NUMA1: variants seen among roughly 807,000 people sequenced by gnomAD.
NUMA1 encodes the protein nuclear mitotic apparatus protein 1, also known as SP-H antigen.
NUMA1 carries 62 observed loss-of-function variants against 237.1 expected under a neutral mutation model. The ratio of observed to expected loss-of-function variants is 0.26; its 90% confidence interval spans 0.21 to 0.32. The LOEUF is 0.32. NUMA1 is among the 10% of genes least tolerant of loss of function. The pLI, the probability that NUMA1 is intolerant of heterozygous loss-of-function variation, is 1.00. For synonymous variants in NUMA1, 1,028 were observed against 1,066.1 expected (o/e 0.96, Z 0.70); for missense variants, 2,533 against 2,666.5 (o/e 0.95, Z 1.10).
intron 2 of NUMA1, among the ~76,000 whole-genome samples, chr11:72,056,392 G>A (rs1293100401): frequency 6.6e-6 from 1 of 150,376 alleles, no homozygotes; most frequent in Non-Finnish European, 1.5e-5. Flanking sequence ...TGTGATCTTG[G>A]CTCATTGCAA....
chr11:72,004,745 T>A lies in NUMA1; in HGVS notation c.5901A>T (p.Arg1967=). ...KTGDPQETLR[R]ASMQPIQIAE... ...CTATCTGGATTGGCTGCATGCTGGC[T>A]CGGCGCAGGGTCTCTTGGGGGTCTC... The change falls in exon 24 of 27, where the codon CGA becomes CGT. Residue 1967 remains arginine, a synonymous_variant. Coordinates refer to ENST00000393695, the MANE Select transcript of NUMA1 (RefSeq NM_006185.4). The A allele has an allele frequency of 1.2e-6, 2 of 1,611,936 alleles. No individual in the cohort carries two copies. The highest frequency in any genetic ancestry group is 1.7e-6 in the Non-Finnish European group (2 of 1,179,182).
intron 2 of NUMA1, chr11:72,047,972 A>G (rs1448511189): frequency 6.6e-6 from 1 of 152,210 alleles, no homozygotes; most frequent in East Asian, 1.9e-4. Context: ...ATTTTAGTAT[A>G]CATGCTGCCG....
intron 1 of NUMA1, among the ~76,000 whole-genome samples, chr11:72,072,010 G>A (rs541022): frequency 0.83 from 126,468 of 152,044 alleles, 54,033 homozygotes; most frequent in Non-Finnish European, 0.94. Context: ...TTGGAGGTCA[G>A]CAATCAGACA....
At chr11:72,061,816 G>C (rs1942960356) in intron 2 of NUMA1, among the ~76,000 whole-genome samples, 1 of 151,864 alleles carries the variant, frequency 6.6e-6, no homozygotes, top group Non-Finnish European at 1.5e-5. Flanking sequence ...GGTTCCTACT[G>C]TCCTTCAATG....
At position 72,013,856 on chromosome 11, in the gene NUMA1, C is replaced by T. The variant is rs762177019; in HGVS notation, c.3647G>A (p.Gly1216Asp). Residue 1216 changes from glycine to aspartate, a missense_variant, in exon 15 of 27, where the codon GGC (glycine) becomes GAC (aspartate). By Grantham distance (94) the Gly-to-Asp change is moderately conservative. Coordinates refer to ENST00000393695, the MANE Select transcript of NUMA1 (RefSeq NM_006185.4). This position sits in a 1 kb window ranked among gnomAD's most constrained non-coding sequence, Gnocchi z 6.8. ...ATTTTTCCTCTCAGCCTCTTGCCGG[C>T]CCCGGGCCACCTGGGCCTTCCACTC... ...EDEWKAQVAR[G>D]RQEAERKNSL... The T allele has an allele frequency of 6.2e-7, 1 of 1,613,278 alleles. No individual in the cohort carries two copies. The highest frequency in any genetic ancestry group is 1.3e-5 in the African/African-American group (1 of 74,940).
rs147210888 is a variant in NUMA1, at chr11:72,007,267, G to A, written c.5385C>T (p.Asp1795=). The change falls in exon 21 of 27, where the codon GAC becomes GAT. Residue 1795 remains aspartate, a synonymous_variant. Coordinates refer to ENST00000393695, the MANE Select transcript of NUMA1 (RefSeq NM_006185.4). ...PLESSLDSLG[D]VFLDSGRKTR... Reference sequence around the variant, plus strand: ...TCTTACGACCCGAGTCCAGGAAGACGTCTCCCAGGGAGTCCAGGCTGCTCT... The same window carrying A: ...TCTTACGACCCGAGTCCAGGAAGACATCTCCCAGGGAGTCCAGGCTGCTCT... 1.0e-4 allele frequency: 168 copies of A among 1,612,852 alleles called. No individual in the cohort carries two copies. Among genetic ancestry groups the A allele is most frequent in the African/African-American group, 7.9e-4 (59 of 74,892 alleles).
Position 72,009,133 on chromosome 11 carries a change from A to T in NUMA1, c.4892T>A (p.Leu1631Gln). The T allele has an allele frequency of 6.7e-7, 1 of 1,488,450 alleles. No homozygotes were observed. Among genetic ancestry groups the T allele is most frequent in the Non-Finnish European group, 9.0e-7 (1 of 1,108,794 alleles). The allele number at this position is 1,488,450 out of a possible 1,614,324, so 92.2% of individuals were successfully genotyped here. A position where few individuals can be genotyped will look rare whatever the true frequency, so the allele number is the denominator to read the frequency against. Residue 1631 changes from leucine (L) to glutamine (Q), a missense_variant, in exon 19 of 27, where the codon CTG (leucine) becomes CAG (glutamine). Leu to Gln is a moderately radical substitution (Grantham distance 113). Coordinates refer to ENST00000393695, the MANE Select transcript of NUMA1 (RefSeq NM_006185.4). ...YDAKKQQNQE[L>Q]QEQLRSLEQL... ...CTCCAGGCTCCGCAGCTGCTCCTGC[A>T]GCTCTTGGTTCTGCTGCTTCTTGGC... is the stretch of plus-strand genomic sequence containing the variant.
At chr11:72,068,202 G>A (rs1943284955) in intron 2 of NUMA1, 1 of 152,212 alleles carries the variant, frequency 6.6e-6, no homozygotes, top group Admixed American at 6.5e-5. Context: ...TCTGGAGATG[G>A]GACTGCAATG....
At chr11:72,057,169 G>A (rs77682493) in intron 2 of NUMA1, among the ~76,000 whole-genome samples, 1 of 151,830 alleles carries the variant, frequency 6.6e-6, no homozygotes, top group African/African-American at 2.4e-5. Flanking sequence ...GATTTGTGAA[G>A]CACATCTCCT....
intron 1 of NUMA1, among the ~76,000 whole-genome samples, chr11:72,071,686 T>C (rs555628936): frequency 6.6e-6 from 1 of 152,330 alleles, no homozygotes; most frequent in Non-Finnish European, 1.5e-5. Flanking sequence ...TACCTTTTTC[T>C]TAGGAAATAC....
At chr11:72,004,399 G>C (rs201273416) in intron 24 of NUMA1, 58 bp from the exon 25 acceptor site, 386 of 1,495,948 alleles carry the variant, frequency 2.6e-4, no homozygotes, top group Non-Finnish European at 3.4e-4. Flanking sequence ...TCTGAAGCCA[G>C]GTGTCTTGTC....
At chr11:72,045,207 T>C (rs1941927557) in intron 2 of NUMA1, among the ~76,000 whole-genome samples, 1 of 151,770 alleles carries the variant, frequency 6.6e-6, no homozygotes, top group Non-Finnish European at 1.5e-5. Context: ...CAAATTCAAC[T>C]TTCTGGCCAC....
At chr11:72,076,895 A>G (rs1168205158) in intron 1 of NUMA1, 4 of 152,202 alleles carry the variant, frequency 2.6e-5, no homozygotes, top group African/African-American at 9.6e-5. Flanking sequence ...CTTTCTTGAA[A>G]ATTATTACAG....
At chr11:72,009,494 CT>C in intron 17 of NUMA1, 107 bp from the exon 18 acceptor site, 1 of 1,421,124 alleles carries the variant, frequency 7.0e-7, no homozygotes, top group Non-Finnish European at 9.3e-7. Flanking sequence ...CCTGCACTTT[CT>C]TAGGAAGCGG....
In NUMA1 at chr11:72,047,246, G is replaced by A. The variant is rs555118662; in HGVS notation, c.-32-11271C>T. On this transcript the variant is annotated intron_variant, in intron 2 of 26. Transcript: ENST00000393695. ...GAACTTTGGGAGGCCAAGGTGGGAG[G>A]ATAATTTGAGCTCAGGAGTTCAAAT... Among the ~76,000 whole-genome samples, 18 of 152,280 alleles carry A rather than the reference G, an allele frequency of 1.2e-4. No homozygotes were observed. In the South Asian group the frequency reaches 3.5e-3, roughly 30 times the overall value.
chr11:72,022,302 T>C lies in NUMA1; in HGVS notation c.372+37A>G, dbSNP rs1359085605. On this transcript the variant is annotated intron_variant, in intron 7 of 26. Transcript: ENST00000393695. ...AAGTCAGGTGAGGTGAAGCATGGGC[T>C]AGGCCTGCTAGGTGGCATGGAGGCA... is the stretch of plus-strand genomic sequence containing the variant. The C allele has an allele frequency of 2.1e-6, 3 of 1,425,846 alleles. No homozygotes were observed. The African/African-American group carries it at 4.2e-5, about 20-fold the overall frequency. The allele number at this position is 1,425,846 out of a possible 1,614,324, so 88.3% of individuals were successfully genotyped here.
At chr11:72,024,621 CT>C (rs1939322473) in intron 4 of NUMA1, 1 of 466,824 alleles carries the variant, frequency 2.1e-6, no homozygotes. Context: ...CATAAAAAAG[CT>C]CTGTGGAAAG....
chr11:72,041,809 T>G (rs1324255837), intron 2 of NUMA1: 1 of 152,132 alleles, frequency 6.6e-6, no homozygotes, highest in African/African-American at 2.4e-5. Flanking sequence ...CGAGGGAATC[T>G]CTCCAGCCCA....
At position 72,018,273 on chromosome 11, in the gene NUMA1, C is replaced by T; in HGVS notation, c.888G>A (p.Leu296=). The T allele has an allele frequency of 6.2e-7, 1 of 1,614,206 alleles. No homozygotes were observed. The highest frequency in any genetic ancestry group is 8.5e-7 in the Non-Finnish European group (1 of 1,180,034). ...ESLTMRLHET[L]KQCQDLKTEK... is the part of the protein sequence containing the mutation. ...CTGTCTTCAGGTCCTGGCACTGCTT[C>T]AGGGTTTCATGCAGCCGCATGGTAA... is the stretch of plus-strand genomic sequence containing the variant. Residue 296 remains leucine, a synonymous_variant, in exon 12 of 27, where the codon CTG becomes CTA. Coordinates refer to ENST00000393695, the MANE Select transcript of NUMA1 (RefSeq NM_006185.4).
Sources: gnomAD v4.1 joint callset for allele counts (sites outside exome capture counted in the v4.1 genomes callset) on GRCh38, gnomAD v4.1.1 for gene constraint, Gnocchi (gnomAD v3.1) non-coding constraint, MANE v1.5 for transcripts, NCBI Gene and HGNC (gene_info 2026-07-23, HGNC 2026-07-21) for gene names.